The following PLXNA4 variants were observed in gnomAD, a reference collection of about 807,000 sequenced individuals.
The protein encoded by PLXNA4 is plexin A4, also known as plexin-A4.
Under a neutral mutation model 191.8 loss-of-function variants are expected in PLXNA4, and 44 were observed. The ratio of observed to expected loss-of-function variants is 0.23; its 90% CI spans 0.18 to 0.29. The LOEUF is 0.29. Among genes scored for constraint, PLXNA4 ranks in the 10% least tolerant of loss-of-function variants. The pLI is 1.00. For synonymous variants in PLXNA4, 1,082 were observed against 1,009.5 expected (o/e 1.07, Z -1.36); for missense variants, 1,800 against 2,488.8 (o/e 0.72, Z 5.89).
chr7:132,399,071 A>T (rs1211601332), intron 3 of PLXNA4, among the ~76,000 whole-genome samples: 1 of 152,180 alleles, frequency 6.6e-6, no homozygotes, highest in Non-Finnish European at 1.5e-5. Flanking sequence ...ATCCCATGCC[A>T]TCTGATTGGT....
chr7:132,177,382 G>A (rs1796510814), intron 20 of PLXNA4, among the ~76,000 whole-genome samples: 1 of 152,230 alleles, frequency 6.6e-6, no homozygotes, highest in East Asian at 1.9e-4. Context: ...AGTCTTCAAG[G>A]AGACCCCTTG....
intron 3 of PLXNA4, among the ~76,000 whole-genome samples, chr7:132,365,360 T>TGTGTGTGTGTGTTTGTGCGCGC: frequency 7.8e-6 from 1 of 128,742 alleles, no homozygotes; most frequent in Admixed American, 7.5e-5. Context: ...TGTGTGTGTG[T>TGTGTGTGTGTGTTTGTGCGCGC]GCGTGCGCGC....
intron 2 of PLXNA4, among the ~76,000 whole-genome samples, chr7:132,643,090 CAGG>C (rs1482771495): frequency 1.3e-5 from 2 of 151,942 alleles, no homozygotes; most frequent in Non-Finnish European, 2.9e-5. Context: ...TTCAGACCTG[CAGG>C]AGGAGGAGGG....
At chr7:132,133,315 G>A in intron 30 of PLXNA4, 116 bp from the exon 31 acceptor site, 1 of 1,509,520 alleles carries the variant, frequency 6.6e-7, no homozygotes, top group East Asian at 2.3e-5. Flanking sequence ...GCAGGTAGTG[G>A]GTACTTGTGC....
At chr7:132,277,388 T>C (rs1054703683) in intron 4 of PLXNA4, among the ~76,000 whole-genome samples, 3 of 152,190 alleles carry the variant, frequency 2.0e-5, no homozygotes, top group East Asian at 1.9e-4. Flanking sequence ...CCAACCACCA[T>C]GCAGGTCCTG....
chr7:132,141,537 T>C (rs918944483), intron 29 of PLXNA4, among the ~76,000 whole-genome samples: 5 of 152,120 alleles, frequency 3.3e-5, no homozygotes, highest in African/African-American at 7.2e-5. Flanking sequence ...TTCTGGTGGG[T>C]TCATGGAAAG....
intron 2 of PLXNA4, among the ~76,000 whole-genome samples, chr7:132,606,412 T>A (rs929790963): frequency 3.2e-4 from 49 of 152,254 alleles, no homozygotes; most frequent in African/African-American, 1.1e-3. Flanking sequence ...CTTGAGCAGG[T>A]TAGGGTAACA....
At chr7:132,391,452 C>T (rs193021361) in intron 3 of PLXNA4, among the ~76,000 whole-genome samples, 3 of 152,326 alleles carry the variant, frequency 2.0e-5, no homozygotes, top group African/African-American at 7.2e-5. Flanking sequence ...TAATGGGCAA[C>T]CTCAAGGGAT....
chr7:132,234,433 A>C (rs1219613803), intron 5 of PLXNA4, among the ~76,000 whole-genome samples: 1 of 152,134 alleles, frequency 6.6e-6, no homozygotes, highest in Non-Finnish European at 1.5e-5. Context: ...GTATGTCTGG[A>C]GTGAAGCCTC....
chr7:132,125,946 G>T lies in PLXNA4; in HGVS notation c.*4533C>A, dbSNP rs1010044646. On this transcript the variant is annotated 3_prime_UTR_variant, in exon 32 of 32. Coordinates refer to ENST00000321063, the MANE Select transcript of PLXNA4 (RefSeq NM_020911.2). ...GGCTTCTCTGGGCCTTGTGCCTGCA[G>T]AGCACCTTCCTACCTATGTCTGTCT... is the stretch of plus-strand genomic sequence containing the variant. 1 of 152,350 alleles carries T rather than the reference G, an allele frequency of 6.6e-6. No homozygotes were observed. The highest frequency in any genetic ancestry group is 1.5e-5 in the Non-Finnish European group (1 of 68,206). 9.4% of individuals were successfully genotyped at this position (152,350 alleles called of 1,614,324 possible).
intron 5 of PLXNA4, among the ~76,000 whole-genome samples, 186 bp from the exon 6 acceptor site, chr7:132,228,655 G>C (rs547764983): frequency 1.3e-5 from 2 of 152,124 alleles, no homozygotes; most frequent in African/African-American, 4.8e-5. Context: ...TAGAAAAGAT[G>C]GCAATTTCAA....
chr7:132,594,441 C>T (rs1199529809), intron 2 of PLXNA4, among the ~76,000 whole-genome samples: 1 of 152,214 alleles, frequency 6.6e-6, no homozygotes, highest in African/African-American at 2.4e-5. Context: ...TTCTGCTAAG[C>T]CACTCGGTTT....
intron 3 of PLXNA4, among the ~76,000 whole-genome samples, chr7:132,478,616 G>A (rs953988878): frequency 6.6e-5 from 10 of 152,302 alleles, no homozygotes; most frequent in Admixed American, 4.6e-4. Flanking sequence ...AAACCACGAT[G>A]TATATAAGGC....
rs1345661289 is a variant in PLXNA4 at position 132,145,144 on chromosome 7, C to T, written c.5200G>A (p.Val1734Ile). 1.2e-5 allele frequency: 19 copies of T among 1,613,990 alleles called. No individual in the cohort carries two copies. The highest frequency in any genetic ancestry group is 1.3e-5 in the African/African-American group (1 of 74,878). The change falls in exon 29 of 32, where the codon GTC becomes ATC. Residue 1734 changes from valine to isoleucine, a missense_variant. Coordinates refer to ENST00000321063, the MANE Select transcript of PLXNA4 (RefSeq NM_020911.2). ...CAATTGCTCTTCCAGGTATGGCGGA[C>T]GTGCGGGTCATGAATGCCATGTTTA... ...ADKHGIHDPHVRHTWKSNCLP... is the reference protein window; with the variant it reads ...ADKHGIHDPHIRHTWKSNCLP...
chr7:132,276,516 C>T (rs1040638056), intron 4 of PLXNA4, among the ~76,000 whole-genome samples: 4 of 152,056 alleles, frequency 2.6e-5, no homozygotes. Context: ...GCCCAGAAAG[C>T]AGGGCTCTCC....
chr7:132,165,146 G>T lies in PLXNA4; in HGVS notation c.4341C>A (p.Tyr1447Ter). The T allele has an allele frequency of 6.2e-7, 1 of 1,613,342 alleles. No individual in the cohort carries two copies. Among genetic ancestry groups the T allele is most frequent in the Non-Finnish European group, 8.5e-7 (1 of 1,179,502 alleles). The change falls in exon 23 of 32, where the codon TAC becomes TAA. Residue 1447 changes from tyrosine to a stop codon, truncating the protein, a stop_gained. Transcript: ENST00000321063. LOFTEE classifies it high-confidence loss of function. ...CATCCAACCCTACCTTGAGGAACTT[G>T]TAGAGGAGGAAAGTAAACCAATTGG... ...MLTNWFTFLL[Y>*]KFLKECAGEP... is the part of the protein sequence containing the mutation.
chr7:132,219,875 A>T (rs1798087907), intron 9 of PLXNA4, among the ~76,000 whole-genome samples: 1 of 152,200 alleles, frequency 6.6e-6, no homozygotes, highest in Non-Finnish European at 1.5e-5. Context: ...TATTCAGTAC[A>T]GTTACCTGCT....
chr7:132,210,044 G>C (rs1584849020), intron 10 of PLXNA4, among the ~76,000 whole-genome samples: 1 of 152,308 alleles, frequency 6.6e-6, no homozygotes, highest in Middle Eastern at 3.4e-3. Context: ...TCTCCAAATG[G>C]TATGTCTCAC....
At chr7:132,612,693 C>G (rs892627513) in intron 2 of PLXNA4, among the ~76,000 whole-genome samples, 17 of 148,640 alleles carry the variant, frequency 1.1e-4, no homozygotes, top group Admixed American at 8.7e-4. Context: ...AAGTCCTCAT[C>G]CTGACTCTTT....
Sources: allele counts gnomAD v4.1 joint callset (sites outside exome capture counted in the v4.1 genomes callset), GRCh38; gene constraint gnomAD v4.1.1; transcripts MANE v1.5; gene names NCBI Gene and HGNC (gene_info 2026-07-23, HGNC 2026-07-21).